CNOT4: variants seen among roughly 807,000 people sequenced by gnomAD.
CNOT4 encodes the protein CCR4-associated factor 4.
CNOT4 carries 8 observed loss-of-function variants against 73.8 expected under a neutral mutation model. The ratio of observed to expected loss-of-function variants is 0.11; its 90% CI spans 0.06 to 0.20. The LOEUF (loss-of-function observed/expected upper bound fraction) is 0.20, where lower values mean the gene tolerates loss of function less well. Ranked by LOEUF, CNOT4 falls within the 10% of genes least tolerant of loss-of-function variation. CNOT4 has a pLI of 1.00. For synonymous variants in CNOT4, 293 were observed against 321.1 expected, an observed-to-expected ratio of 0.91 and a Z score of 0.94; for missense variants, 564 against 883.4, an observed-to-expected ratio of 0.64 and a Z score of 4.58.
At chr7:135,408,311 T>C (rs1002112933) in intron 7 of CNOT4, among the ~76,000 whole-genome samples, 4 of 152,126 alleles carry the variant, frequency 2.6e-5, no homozygotes, top group African/African-American at 9.7e-5. Context: ...TACATAGCCA[T>C]AAAAAATTAT....
rs372033321 is a variant in CNOT4 at position 135,363,056 on chromosome 7, G to A, written c.1971C>T (p.Ser657=). Residue 657 remains serine, a synonymous_variant, in exon 12 of 12, where the codon AGC becomes AGT. Transcript: ENST00000541284. This position sits in a 1 kb window ranked among gnomAD's most constrained non-coding sequence, Gnocchi z 4.3. ...PSAAPSQTHH[S]APFSTQIPLH... is the part of the protein sequence containing the mutation. ...GCGGGATCTGTGTGCTGAAGGGGGCGCTGTGGTGGGTCTGTGATGGAGCAG... is the reference window on the plus strand; with the variant it reads ...GCGGGATCTGTGTGCTGAAGGGGGCACTGTGGTGGGTCTGTGATGGAGCAG... 99 of 1,613,890 alleles carry A rather than the reference G, an allele frequency of 6.1e-5. No homozygotes were observed. Among genetic ancestry groups the A allele is most frequent in the Non-Finnish European group, 8.0e-5 (94 of 1,180,002 alleles).
chr7:135,415,091 CAG>C (rs1797788082), intron 4 of CNOT4, 83 bp downstream of exon 4: 7 of 794,774 alleles, frequency 8.8e-6, no homozygotes, highest in Non-Finnish European at 8.6e-6. Flanking sequence ...GCTTTCTAAT[CAG>C]AGAGAGCAAA....
At position 135,364,889 on chromosome 7, in the gene CNOT4, T is replaced by TA. The variant is rs1794831216; in HGVS notation, c.1628-824dup. 6.6e-6 allele frequency among the ~76,000 whole-genome samples: 1 copy of TA among 152,214 alleles called. No homozygotes were observed. Among genetic ancestry groups the TA allele is most frequent in the Admixed American group, 6.5e-5 (1 of 15,278 alleles). ...CTACTACCATCCAGAATCCACATAG[T>TA]ATAACTAACTGGTCAGGGGGAAAAG... On this transcript the variant is annotated intron_variant, in intron 10 of 11. Transcript: ENST00000541284. The surrounding 1 kb of genome is among the most constrained non-coding windows in gnomAD (Gnocchi z 4.3).
At chr7:135,497,293 C>G (rs1295877695) in intron 1 of CNOT4, among the ~76,000 whole-genome samples, 1 of 152,056 alleles carries the variant, frequency 6.6e-6, no homozygotes, top group South Asian at 2.1e-4. Flanking sequence ...CCTGTAGTCC[C>G]AGCTACTCAA....
At chr7:135,448,424 A>G (rs1799959362) in intron 1 of CNOT4, among the ~76,000 whole-genome samples, 1 of 151,882 alleles carries the variant, frequency 6.6e-6, no homozygotes, top group Admixed American at 6.6e-5. Context: ...GGCACCTGTA[A>G]TCCCAGCTAC....
At chr7:135,398,670 G>C (rs1195407743) in intron 7 of CNOT4, among the ~76,000 whole-genome samples, 1 of 152,004 alleles carries the variant, frequency 6.6e-6, no homozygotes, top group Non-Finnish European at 1.5e-5. Context: ...AACTTACATT[G>C]TAATTAGATT....
intron 2 of CNOT4, among the ~76,000 whole-genome samples, chr7:135,424,040 A>AAC (rs3138785): frequency 0.027 from 3,825 of 144,138 alleles, 65 homozygotes; most frequent in Middle Eastern, 0.057. Context: ...AAACAAACAA[A>AAC]ACACACACAC....
intron 2 of CNOT4, among the ~76,000 whole-genome samples, chr7:135,437,304 C>A (rs1799213860): frequency 6.6e-6 from 1 of 152,216 alleles, no homozygotes; most frequent in Non-Finnish European, 1.5e-5. Context: ...ATTCTCCTGC[C>A]TCAGCCTCCC....
Position 135,363,272 on chromosome 7 carries a change from A to C in CNOT4, c.1841-86T>G. 2 of 1,244,236 alleles carry C rather than the reference A, an allele frequency of 1.6e-6. No homozygotes were observed. Among genetic ancestry groups the C allele is most frequent in the Non-Finnish European group, 2.3e-6 (2 of 861,276 alleles). 77.1% of individuals were successfully genotyped at this position (1,244,236 alleles called of 1,614,324 possible). ...TCAAACAAATTTAGAAAGCAAAACCAAAAGGAAAGACAGAAGAGATTACAA... is the reference window on the plus strand; with the variant it reads ...TCAAACAAATTTAGAAAGCAAAACCCAAAGGAAAGACAGAAGAGATTACAA... On this transcript the variant is annotated intron_variant, in intron 11 of 11. Transcript: ENST00000541284. The surrounding 1 kb of genome is among the most constrained non-coding windows in gnomAD (Gnocchi z 4.3).
At chr7:135,446,905 A>ATTACATAAACTACACGAAGACAAAAAAC (rs1428954462) in intron 1 of CNOT4, among the ~76,000 whole-genome samples, 4 of 146,018 alleles carry the variant, frequency 2.7e-5, no homozygotes, top group Admixed American at 6.7e-5. Flanking sequence ...TAAAATTATA[A>ATTACATAAACTACACGAAGACAAAAAAC]ACTATATATT....
intron 10 of CNOT4, among the ~76,000 whole-genome samples, chr7:135,374,722 T>C (rs955716996): frequency 6.6e-6 from 1 of 152,214 alleles, no homozygotes; most frequent in African/African-American, 2.4e-5. Context: ...AGTTCTTTCA[T>C]AAGACAAACT....
At chr7:135,380,518 A>ATC (rs1795785899) in intron 10 of CNOT4, among the ~76,000 whole-genome samples, 1 of 152,238 alleles carries the variant, frequency 6.6e-6, no homozygotes, top group African/African-American at 2.4e-5. Context: ...GCAGCTTTGA[A>ATC]AACCTACAGG....
chr7:135,388,610 T>TA, intron 10 of CNOT4: 1 of 1,213,990 alleles, frequency 8.2e-7, no homozygotes, highest in Non-Finnish European at 1.0e-6. Context: ...TAAATTATGT[T>TA]AAAGGCCTAA....
chr7:135,396,527 C>T (rs1332248928), intron 8 of CNOT4, among the ~76,000 whole-genome samples: 1 of 152,020 alleles, frequency 6.6e-6, no homozygotes, highest in East Asian at 1.9e-4. Context: ...TTTCCAGAGG[C>T]CAAACACAAA....
chr7:135,481,280 T>C (rs142270915), intron 1 of CNOT4, among the ~76,000 whole-genome samples: 399 of 151,592 alleles, frequency 2.6e-3, no homozygotes, highest in African/African-American at 9.0e-3. Context: ...GCAAAGGACA[T>C]GAATAGACAT....
chr7:135,410,642 T>C lies in CNOT4; in HGVS notation c.694A>G (p.Lys232Glu). 1.9e-6 allele frequency: 3 copies of C among 1,582,986 alleles called. No homozygotes were observed. Among genetic ancestry groups the C allele is most frequent in the Non-Finnish European group, 2.6e-6 (3 of 1,167,546 alleles). Residue 232 changes from lysine (K) to glutamate (E), a missense_variant, in exon 7 of 12, where the codon AAA becomes GAA. Physicochemically the swap from Lys to Glu is moderately conservative, Grantham distance 56. Around this residue, in one of 10 missense-constraint regions of CNOT4, gnomAD observed 14 missense variants for 69.5 expected, o/e 0.20. Transcript: ENST00000541284. ...AGCTTCTGTTCATATTCTTGGTGTT[T>C]ACCCGCCTAACGAAAGAAGAAATTA... ...SFTKEEMQAG[K>E]HQEYEQKLLQ... is the part of the protein sequence containing the mutation.
rs116969895 is a variant in CNOT4, at chr7:135,493,726, T to C, written c.-93+16163A>G. On this transcript the variant is annotated intron_variant, in intron 1 of 11. Coordinates refer to ENST00000541284, the MANE Select transcript of CNOT4 (RefSeq NM_001190850.2). ...AGTAGCAGTGTCAAAGCTATGAAAA[T>C]TGGAGGAAGGAATGTGGTATTTGAA... 7.2e-3 allele frequency among the ~76,000 whole-genome samples: 1,099 copies of C among 152,164 alleles called. 6 individuals are homozygous for C. The highest frequency in any genetic ancestry group is 0.027 in the Middle Eastern group (8 of 294).
intron 1 of CNOT4, among the ~76,000 whole-genome samples, chr7:135,495,244 C>T (rs1382112694): frequency 6.6e-6 from 1 of 152,188 alleles, no homozygotes; most frequent in Non-Finnish European, 1.5e-5. Context: ...TTGGCTCACG[C>T]CTGTAATCCC....
chr7:135,362,889 T>C lies in CNOT4; in HGVS notation c.2138A>G (p.His713Arg). ...DLLQSSTLDRH is the reference protein window; with the variant it reads ...DLLQSSTLDRR ...CTAATGGTTGCTCCTCTTTGCCTAA[T>C]GGCGGTCCAGTGTTGAACTCTGTAG... The change falls in exon 12 of 12, where the codon CAT becomes CGT. Residue 713 changes from histidine to arginine, a missense_variant. By Grantham distance (29) the His-to-Arg change is conservative. Transcript: ENST00000541284. The C allele has an allele frequency of 6.2e-7, 1 of 1,613,154 alleles. No homozygotes were observed. Among genetic ancestry groups the C allele is most frequent in the Non-Finnish European group, 8.5e-7 (1 of 1,179,550 alleles).
Sources: gnomAD v4.1 joint callset for allele counts (sites outside exome capture counted in the v4.1 genomes callset) on GRCh38, gnomAD v4.1.1 for gene constraint, gnomAD v4.1.1 regional missense constraint, Gnocchi (gnomAD v3.1) non-coding constraint, MANE v1.5 for transcripts, NCBI Gene and HGNC (gene_info 2026-07-23, HGNC 2026-07-21) for gene names.